SLCO5A1: variants seen among roughly 807,000 people sequenced by gnomAD.
The protein encoded by SLCO5A1 is solute carrier organic anion transporter family member 5A1.
SLCO5A1 carries 39 observed loss-of-function variants against 65.1 expected under a neutral mutation model. The observed-to-expected ratio is 0.60, with a 90% CI of 0.46 to 0.78. The LOEUF (loss-of-function observed/expected upper bound fraction) is 0.78. Among genes scored for constraint, SLCO5A1 ranks in the 30% least tolerant of loss-of-function variants. The pLI, the probability that SLCO5A1 is intolerant of heterozygous loss-of-function variation, is 0.00. For missense variants in SLCO5A1, 1,029 were observed against 1,069.4 expected (o/e 0.96, Z 0.53); for synonymous variants, 438 against 415.7 (o/e 1.05, Z -0.65).
At chr8:69,690,021 CG>C (rs2130797027) in intron 6 of SLCO5A1, among the ~76,000 whole-genome samples, 2 of 151,098 alleles carry the variant, frequency 1.3e-5, no homozygotes, top group South Asian at 4.3e-4. Flanking sequence ...TCAGCAAGGC[CG>C]GTGGACCCCG....
Position 69,668,379 on chromosome 8 carries a change from C to T in SLCO5A1, c.*4490G>A, listed in dbSNP as rs1231391800. On this transcript the variant is annotated 3_prime_UTR_variant, in exon 10 of 10. Transcript: ENST00000260126. ...ACCTACTGGTCTGTATAACAGAGAA[C>T]TAGCAAACCTGCAGTTTAGGCAATT... 6.6e-6 allele frequency: 1 copy of T among 152,202 alleles called. No individual in the cohort carries two copies. The highest frequency in any genetic ancestry group is 2.4e-5 in the African/African-American group (1 of 41,452). The allele number at this position is 152,202 out of a possible 1,614,324, so 9.4% of individuals were successfully genotyped here.
In SLCO5A1 at chr8:69,738,157, A is replaced by G; in HGVS notation, c.1306T>C (p.Phe436Leu). ...TCAGCTGTGTATGACAAACTCACAA[A>G]AAGGAATGTCATGTTGCTTAAGATC... Reference protein sequence around the residue: ...VRILSNMTFLFVSLSYTAESA... With the variant: ...VRILSNMTFLLVSLSYTAESA... Residue 436 changes from phenylalanine to leucine, a missense_variant, in exon 5 of 10, where the codon TTT becomes CTT. Coordinates refer to ENST00000260126, the MANE Select transcript of SLCO5A1 (RefSeq NM_030958.3). 6.2e-7 allele frequency: 1 copy of G among 1,613,794 alleles called. No homozygotes were observed. Among genetic ancestry groups the G allele is most frequent in the Non-Finnish European group, 8.5e-7 (1 of 1,179,796 alleles).
chr8:69,801,899 A>G (rs1317483010), intron 2 of SLCO5A1, among the ~76,000 whole-genome samples: 3 of 152,200 alleles, frequency 2.0e-5, no homozygotes, highest in Admixed American at 6.5e-5. Context: ...CAAAGTCTCA[A>G]ACGTCATCTT....
intron 2 of SLCO5A1, among the ~76,000 whole-genome samples, chr8:69,819,884 A>G (rs1442881868): frequency 6.6e-6 from 1 of 152,054 alleles, no homozygotes; most frequent in Non-Finnish European, 1.5e-5. Context: ...AATCGCTTGA[A>G]CCCGGGAGGT....
intron 6 of SLCO5A1, among the ~76,000 whole-genome samples, chr8:69,692,977 A>G (rs1814338687): frequency 6.6e-6 from 1 of 152,254 alleles, no homozygotes; most frequent in South Asian, 2.1e-4. Flanking sequence ...CTACACAACT[A>G]CATGTGCTGT....
At chr8:69,791,550 G>A (rs1819269244) in intron 2 of SLCO5A1, among the ~76,000 whole-genome samples, 1 of 152,204 alleles carries the variant, frequency 6.6e-6, no homozygotes, top group South Asian at 2.1e-4. Flanking sequence ...GAGATGTAAT[G>A]TTTCTCTCCT....
At chr8:69,775,643 A>G (rs1256877124) in intron 2 of SLCO5A1, among the ~76,000 whole-genome samples, 6 of 152,208 alleles carry the variant, frequency 3.9e-5, no homozygotes, top group African/African-American at 1.4e-4. Context: ...CCCTTAGAAC[A>G]CAAACAGAAA....
intron 2 of SLCO5A1, among the ~76,000 whole-genome samples, chr8:69,802,096 A>G (rs959378180): frequency 6.6e-6 from 1 of 152,204 alleles, no homozygotes; most frequent in Non-Finnish European, 1.5e-5. Flanking sequence ...TTGTGGGAGT[A>G]AAATTTTCAT....
rs574407817 is a variant in SLCO5A1, at chr8:69,708,669, C to T, written c.1424-3440G>A. 1.3e-4 allele frequency among the ~76,000 whole-genome samples: 20 copies of T among 152,026 alleles called. No individual in the cohort carries two copies. The East Asian group carries it at 1.6e-3, about 12-fold the overall frequency. ...CTGTAATCCCAGCACTTTGGGAGGC[C>T]GAGGCGGGCAGATCATTTGAGGTCA... On this transcript the variant is annotated intron_variant, in intron 5 of 9. Coordinates refer to ENST00000260126, the MANE Select transcript of SLCO5A1 (RefSeq NM_030958.3).
chr8:69,694,619 C>A (rs1814419991), intron 6 of SLCO5A1, among the ~76,000 whole-genome samples: 1 of 152,182 alleles, frequency 6.6e-6, no homozygotes, highest in African/African-American at 2.4e-5. Flanking sequence ...AGAAAGGATT[C>A]CATTTTTGTT....
chr8:69,704,836 G>C (rs1814897120), intron 6 of SLCO5A1, 195 bp downstream of exon 6: 2 of 582,466 alleles, frequency 3.4e-6, no homozygotes, highest in Non-Finnish European at 6.1e-6. Flanking sequence ...GGTCAGAAGG[G>C]GCACAGAGGA....
intron 5 of SLCO5A1, among the ~76,000 whole-genome samples, chr8:69,709,743 T>A (rs907553239): frequency 2.6e-5 from 4 of 152,128 alleles, no homozygotes; most frequent in African/African-American, 9.7e-5. Context: ...GGAAGAGATA[T>A]TGAGAATTTT....
At chr8:69,823,988 C>A (rs999379524) in intron 2 of SLCO5A1, among the ~76,000 whole-genome samples, 3 of 152,190 alleles carry the variant, frequency 2.0e-5, no homozygotes, top group East Asian at 1.9e-4. Flanking sequence ...AAAACTGCTC[C>A]ACTACATGGA....
Position 69,705,242 on chromosome 8 carries a change from G to C in SLCO5A1, c.1424-13C>G. On this transcript the variant is annotated splice_polypyrimidine_tract_variant and intron_variant, in intron 5 of 9. Transcript: ENST00000260126. ...ACGATAATAACCCCTGGGGAGAAGA[G>C]AAGGAGAGGATTAATTTGAACTCAT... 6.2e-7 allele frequency: 1 copy of C among 1,611,076 alleles called. No homozygotes were observed. The highest frequency in any genetic ancestry group is 1.3e-5 in the African/African-American group (1 of 74,922).
At chr8:69,745,014 T>C (rs1816960507) in intron 4 of SLCO5A1, among the ~76,000 whole-genome samples, 1 of 152,170 alleles carries the variant, frequency 6.6e-6, no homozygotes, top group South Asian at 2.1e-4. Context: ...TACAATATTG[T>C]CCTTTATCCA....
At chr8:69,763,950 T>C (rs1037111279) in intron 2 of SLCO5A1, among the ~76,000 whole-genome samples, 8 of 152,094 alleles carry the variant, frequency 5.3e-5, no homozygotes, top group African/African-American at 1.7e-4. Flanking sequence ...CTGCAACCTC[T>C]GCTGCCCCGG....
chr8:69,832,197 G>A lies in SLCO5A1; in HGVS notation c.477C>T (p.Arg159=). The change falls in exon 2 of 10, where the codon CGC becomes CGT. Residue 159 remains arginine, a synonymous_variant. Transcript: ENST00000260126. The surrounding 1 kb of genome is among the most constrained non-coding windows in gnomAD (Gnocchi z 4.5). ...CCGACTCGGAACTCTTCAGACTGTA[G>A]CGCCTTTCAATGGTGGTAATTACGC... ...LSSVITTIER[R]YSLKSSESGL... 6.2e-7 allele frequency: 1 copy of A among 1,614,196 alleles called. No homozygotes were observed. Among genetic ancestry groups the A allele is most frequent in the Non-Finnish European group, 8.5e-7 (1 of 1,180,038 alleles).
chr8:69,736,098 T>C (rs1326372264), intron 5 of SLCO5A1, among the ~76,000 whole-genome samples: 1 of 152,258 alleles, frequency 6.6e-6, no homozygotes, highest in South Asian at 2.1e-4. Flanking sequence ...AAAATCAGAA[T>C]GGAAGTCGCA....
chr8:69,740,442 G>A (rs960495369), intron 4 of SLCO5A1, among the ~76,000 whole-genome samples: 1 of 152,178 alleles, frequency 6.6e-6, no homozygotes, highest in African/African-American at 2.4e-5. Context: ...TGGAGGTACT[G>A]GTATGAATTC....
Sources: gnomAD v4.1 joint callset for allele counts (sites outside exome capture counted in the v4.1 genomes callset) on GRCh38, gnomAD v4.1.1 for gene constraint, Gnocchi (gnomAD v3.1) non-coding constraint, MANE v1.5 for transcripts, NCBI Gene and HGNC (gene_info 2026-07-23, HGNC 2026-07-21) for gene names.